SNAPC1: variants seen among roughly 807,000 people sequenced by gnomAD.
SNAPC1 encodes small nuclear RNA activating complex polypeptide 1, also known as snRNA-activating protein complex subunit 1.
In SNAPC1, 42 loss-of-function variants were observed where a neutral mutation model predicts 50.1. That is an observed-to-expected ratio of 0.84 (90% CI 0.65 to 1.08). The LOEUF (loss-of-function observed/expected upper bound fraction) is 1.08, where lower values mean the gene tolerates loss of function less well. Among genes scored for constraint, SNAPC1 ranks in the 50% least tolerant of loss-of-function variants. SNAPC1 has a pLI of 0.00. For missense variants in SNAPC1, 477 were observed against 427.3 expected (o/e 1.12, Z -1.02); for synonymous variants, 164 against 144.2 (o/e 1.14, Z -0.98).
Position 61,778,870 on chromosome 14 carries a change from T to C in SNAPC1, c.785T>C (p.Leu262Ser), listed in dbSNP as rs1251922970. The change falls in exon 7 of 10, where the codon TTA (leucine) becomes TCA (serine). Residue 262 changes from leucine to serine, a missense_variant. Transcript: ENST00000216294. ...CAGAGATGTGAAAGGGCAGAATCAT[T>C]AGCGAAAATAAAATCAAAGGCCTTT... Reference protein sequence around the residue: ...ETERCERAESLAKIKSKAFSV... With the variant: ...ETERCERAESSAKIKSKAFSV... 3.8e-6 allele frequency: 6 copies of C among 1,560,614 alleles called. No individual in the cohort carries two copies. The African/African-American group carries it at 8.4e-5, about 22-fold the overall frequency.
intron 8 of SNAPC1, among the ~76,000 whole-genome samples, chr14:61,782,844 T>C (rs935439739): frequency 6.6e-6 from 1 of 151,956 alleles, no homozygotes; most frequent in Non-Finnish European, 1.5e-5. Flanking sequence ...AGGCAGAGGT[T>C]GCAGTGAGCT....
chr14:61,779,692 C>G lies in SNAPC1; in HGVS notation c.825+782C>G, dbSNP rs540642827. ...GTTCTTTTTTTTCTATTTGTTTGAA[C>G]TCTTTCACTTTGTTGGTTTTTTTTT... On this transcript the variant is annotated intron_variant, in intron 7 of 9. Coordinates refer to ENST00000216294, the MANE Select transcript of SNAPC1 (RefSeq NM_003082.4). Among the ~76,000 whole-genome samples the G allele has an allele frequency of 3.0e-5, 4 of 134,928 alleles. No individual in the cohort carries two copies. The East Asian group carries it at 6.7e-4, about 22-fold the overall frequency. 88.5% of individuals were successfully genotyped at this position (134,928 alleles called of 152,430 possible).
At chr14:61,780,357 G>A (rs1369392102) in intron 7 of SNAPC1, among the ~76,000 whole-genome samples, 2 of 152,172 alleles carry the variant, frequency 1.3e-5, no homozygotes, top group Non-Finnish European at 2.9e-5. Context: ...TCAGAGAGCA[G>A]GCCTTCTGTT....
At chr14:61,774,128 A>G (rs2045016139) in intron 4 of SNAPC1, among the ~76,000 whole-genome samples, 1 of 151,400 alleles carries the variant, frequency 6.6e-6, no homozygotes. Context: ...TCCAAAGTCC[A>G]TGCACTGTCT....
chr14:61,766,500 G>C (rs947445976), intron 1 of SNAPC1, among the ~76,000 whole-genome samples: 1 of 152,228 alleles, frequency 6.6e-6, no homozygotes, highest in African/African-American at 2.4e-5. Flanking sequence ...TTACGTTCAA[G>C]TGATACTTCT....
intron 3 of SNAPC1, among the ~76,000 whole-genome samples, chr14:61,768,140 A>C (rs568498049): frequency 2.2e-4 from 34 of 152,352 alleles, no homozygotes; most frequent in African/African-American, 8.2e-4. Flanking sequence ...TCTGCAAGCA[A>C]AAATTTAGCC....
chr14:61,785,596 C>G (rs112002464), intron 8 of SNAPC1, among the ~76,000 whole-genome samples: 67 of 152,196 alleles, frequency 4.4e-4, no homozygotes, highest in Middle Eastern at 6.8e-3. Context: ...CCAGTGTGGT[C>G]GGGATACAGT....
chr14:61,763,121 A>C (rs750944688), intron 1 of SNAPC1, among the ~76,000 whole-genome samples: 4 of 149,376 alleles, frequency 2.7e-5, no homozygotes, highest in Non-Finnish European at 5.9e-5. Flanking sequence ...CCTCCGGAGT[A>C]GCTGGGATTA....
At chr14:61,778,963 A>G in intron 7 of SNAPC1, 53 bp downstream of exon 7, 6 of 1,022,182 alleles carry the variant, frequency 5.9e-6, no homozygotes, top group Non-Finnish European at 8.8e-6. Context: ...TTTAAATTAT[A>G]TTTCAATTTT....
rs2045181311 is a variant in SNAPC1 at position 61,795,296 on chromosome 14, T to C, written c.*313T>C. On this transcript the variant is annotated 3_prime_UTR_variant, in exon 10 of 10. Coordinates refer to ENST00000216294, the MANE Select transcript of SNAPC1 (RefSeq NM_003082.4). Reference sequence around the variant, plus strand: ...GTTTTGTGATACTATACTGTCCTAATACAGTCTGGTAATACTATTCTATTT... The same window carrying C: ...GTTTTGTGATACTATACTGTCCTAACACAGTCTGGTAATACTATTCTATTT... 1 of 206,504 alleles carries C rather than the reference T, an allele frequency of 4.8e-6. No homozygotes were observed. The highest frequency in any genetic ancestry group is 1.1e-4 in the East Asian group (1 of 9,158). The allele number at this position is 206,504 out of a possible 1,614,324, so 12.8% of individuals were successfully genotyped here.
intron 7 of SNAPC1, 51 bp from the exon 8 acceptor site, chr14:61,782,196 C>T (rs2045080147): frequency 1.5e-6 from 2 of 1,307,240 alleles, no homozygotes; most frequent in African/African-American, 1.5e-5. Flanking sequence ...TCAATTTTAT[C>T]ATTTGGATTC....
intron 9 of SNAPC1, 119 bp downstream of exon 9, chr14:61,793,021 T>G: frequency 1.9e-6 from 1 of 539,246 alleles, no homozygotes; most frequent in East Asian, 3.2e-5. Context: ...TCCTTTCATC[T>G]TTGACCCATT....
rs1419050555 is a variant in SNAPC1 at position 61,795,742 on chromosome 14, A to G, written c.*759A>G. ...AAAAAAAAAATCTGTAGCTTCATGA[A>G]TATGCCACTCTGTTAATTTCTTGTT... On this transcript the variant is annotated 3_prime_UTR_variant, in exon 10 of 10. Coordinates refer to ENST00000216294, the MANE Select transcript of SNAPC1 (RefSeq NM_003082.4). 2 of 152,102 alleles carry G rather than the reference A, an allele frequency of 1.3e-5. No homozygotes were observed. The highest frequency in any genetic ancestry group is 4.8e-5 in the African/African-American group (2 of 41,430). The allele number at this position is 152,102 out of a possible 1,614,324, so 9.4% of individuals were successfully genotyped here. A position where few individuals can be genotyped will look rare whatever the true frequency, so the allele number is the denominator to read the frequency against.
At chr14:61,774,112 T>C (rs971280858) in intron 4 of SNAPC1, among the ~76,000 whole-genome samples, 2 of 152,048 alleles carry the variant, frequency 1.3e-5, no homozygotes, top group African/African-American at 4.8e-5. Context: ...TCCAAGTCTA[T>C]AAGGCTCCAA....
At chr14:61,785,937 C>T (rs967187342) in intron 8 of SNAPC1, among the ~76,000 whole-genome samples, 19 of 151,660 alleles carry the variant, frequency 1.3e-4, no homozygotes, top group African/African-American at 3.2e-4. Context: ...TTCCCTTTAG[C>T]TTAGTGATTT....
intron 4 of SNAPC1, among the ~76,000 whole-genome samples, chr14:61,770,066 G>A (rs1282201293): frequency 6.6e-6 from 1 of 152,076 alleles, no homozygotes; most frequent in Non-Finnish European, 1.5e-5. Context: ...TTGAAATGAG[G>A]TGATGCCTAA....
At chr14:61,773,200 CTTCTAA>C (rs138222766) in intron 4 of SNAPC1, among the ~76,000 whole-genome samples, 4,065 of 152,220 alleles carry the variant, frequency 0.027, 120 homozygotes, top group African/African-American at 0.064. Context: ...AAACATTTGA[CTTCTAA>C]TTCTAGCCCG....
In SNAPC1 at chr14:61,773,768, C is replaced by T. The variant is rs941596568; in HGVS notation, c.535-2327C>T. Among the ~76,000 whole-genome samples the T allele has an allele frequency of 9.4e-5, 14 of 148,808 alleles. 1 individual carries two copies. Among genetic ancestry groups the T allele is most frequent in the Non-Finnish European group, 1.9e-4 (13 of 67,498 alleles). ...AGGCTGGAATGCAGTGGCACGATCT[C>T]GGCTCACTGCAGCCTCCACCTCCCC... On this transcript the variant is annotated intron_variant, in intron 4 of 9. Transcript: ENST00000216294.
At chr14:61,787,779 A>G (rs2045125661) in intron 8 of SNAPC1, among the ~76,000 whole-genome samples, 1 of 152,240 alleles carries the variant, frequency 6.6e-6, no homozygotes, top group Non-Finnish European at 1.5e-5. Context: ...AAGGACTCAA[A>G]TATAGAAGTA....
Sources: allele counts gnomAD v4.1 joint callset (sites outside exome capture counted in the v4.1 genomes callset), GRCh38; gene constraint gnomAD v4.1.1; transcripts MANE v1.5; gene names NCBI Gene and HGNC (gene_info 2026-07-23, HGNC 2026-07-21).